Variants in BIN1 observed in about 807,000 individuals in gnomAD.
BIN1 encodes the protein bridging integrator 1, also known as myc box-dependent-interacting protein 1.
In BIN1, 53 loss-of-function variants were observed where a neutral mutation model predicts 82.0. The ratio of observed to expected loss-of-function variants is 0.65; its 90% CI spans 0.52 to 0.81. The LOEUF (loss-of-function observed/expected upper bound fraction) is 0.81, where lower values mean the gene tolerates loss of function less well. Among genes scored for constraint, BIN1 ranks in the 40% least tolerant of loss-of-function variants. The probability of loss-of-function intolerance (pLI) is 0.00; values close to 1 mark genes in which losing one functional copy is unlikely to be tolerated. For missense variants in BIN1, 642 were observed against 784.4 expected, an observed-to-expected ratio of 0.82 and a Z score of 2.17; for synonymous variants, 302 against 328.0, an observed-to-expected ratio of 0.92 and a Z score of 0.86.
In BIN1 at chr2:127,053,412, T is replaced by C; in HGVS notation, c.1263+10A>G. ...CCAGGGGCTGGACAAAGAGCAGACGTGCAGCTTACCTCCCAGAGGTCCCAT... is the reference window on the plus strand; with the variant it reads ...CCAGGGGCTGGACAAAGAGCAGACGCGCAGCTTACCTCCCAGAGGTCCCAT... On this transcript the variant is annotated intron_variant, in intron 14 of 18. Transcript: ENST00000316724. 1.2e-6 allele frequency: 2 copies of C among 1,613,916 alleles called. No individual in the cohort carries two copies. Among genetic ancestry groups the C allele is most frequent in the Non-Finnish European group, 1.7e-6 (2 of 1,179,918 alleles).
intron 1 of BIN1, among the ~76,000 whole-genome samples, chr2:127,078,991 C>T (rs1686970829): frequency 6.6e-6 from 1 of 152,198 alleles, no homozygotes; most frequent in Admixed American, 6.5e-5. Context: ...GGCAAGAGCA[C>T]CAGGAAGGAT....
At chr2:127,055,382 G>A (rs1376758593) in intron 12 of BIN1, 2 of 152,340 alleles carry the variant, frequency 1.3e-5, no homozygotes, top group Non-Finnish European at 2.9e-5. Context: ...CTCAGGCCAA[G>A]TGGACTCACT....
chr2:127,057,621 G>A lies in BIN1; in HGVS notation c.1003-20C>T, dbSNP rs1220444956. Reference sequence around the variant, plus strand: ...CCGGAGCTGTGGGTCGGCGGCGGGTGAGGGGCCGCGCGGGAAGGCACAGCA... The same window carrying A: ...CCGGAGCTGTGGGTCGGCGGCGGGTAAGGGGCCGCGCGGGAAGGCACAGCA... On this transcript the variant is annotated intron_variant, in intron 11 of 18. Transcript: ENST00000316724. This position sits in a 1 kb window ranked among gnomAD's most constrained non-coding sequence, Gnocchi z 5.0. 2 of 1,507,244 alleles carry A rather than the reference G, an allele frequency of 1.3e-6. No homozygotes were observed. The highest frequency in any genetic ancestry group is 4.3e-5 in the Admixed American group (2 of 47,048). 93.4% of individuals were successfully genotyped at this position (1,507,244 alleles called of 1,614,324 possible).
intron 1 of BIN1, among the ~76,000 whole-genome samples, chr2:127,080,193 T>A (rs999976557): frequency 6.6e-6 from 1 of 152,158 alleles, no homozygotes; most frequent in African/African-American, 2.4e-5. Context: ...AAAAACAATC[T>A]GGGCACCCCC....
At position 127,093,799 on chromosome 2, in the gene BIN1, G is replaced by A. The variant is rs1047534322; in HGVS notation, c.84+13061C>T. Among the ~76,000 whole-genome samples the A allele has an allele frequency of 7.9e-5, 12 of 152,148 alleles. No individual in the cohort carries two copies. Among genetic ancestry groups the A allele is most frequent in the East Asian group, 7.7e-4 (4 of 5,190 alleles). The stretch of plus-strand genomic sequence containing the variant: ...GGTGAGAACGATACCACACGTTTCC[G>A]CCCCTGCCGCTCTCTCTGGACAATC... On this transcript the variant is annotated intron_variant, in intron 1 of 18. Transcript: ENST00000316724. This position sits in a 1 kb window ranked among gnomAD's most constrained non-coding sequence, Gnocchi z 5.7.
chr2:127,091,433 G>A (rs1678909601), intron 1 of BIN1, among the ~76,000 whole-genome samples: 1 of 152,252 alleles, frequency 6.6e-6, no homozygotes, highest in South Asian at 2.1e-4. Flanking sequence ...AGCCAAGGCT[G>A]GCAGGTTCTG....
intron 12 of BIN1, 152 bp from the exon 13 acceptor site, chr2:127,054,164 C>G (rs1417819683): frequency 1.5e-6 from 1 of 687,416 alleles, no homozygotes; most frequent in Non-Finnish European, 2.6e-6. Context: ...CACGCACACA[C>G]GCTGGCACAC....
Position 127,048,133 on chromosome 2 carries a change from CTGG to C in BIN1, c.*390_*392del. On this transcript the variant is annotated 3_prime_UTR_variant, in exon 19 of 19. Coordinates refer to ENST00000316724, the MANE Select transcript of BIN1 (RefSeq NM_139343.3). ...GTCTGCGGGGCAGAGCCAGGCTAGGCTGGTGTCTGGGCCCCACCCACAGCAGCT... is the reference window on the plus strand; with the variant it reads ...GTCTGCGGGGCAGAGCCAGGCTAGGCTGTCTGGGCCCCACCCACAGCAGCT... 2 of 314,274 alleles carry C rather than the reference CTGG, an allele frequency of 6.4e-6. No homozygotes were observed. Among genetic ancestry groups the C allele is most frequent in the Non-Finnish European group, 1.2e-5 (2 of 163,654 alleles). The allele number at this position is 314,274 out of a possible 1,614,324, so 19.5% of individuals were successfully genotyped here. A position where few individuals can be genotyped will look rare whatever the true frequency, so the allele number is the denominator to read the frequency against.
chr2:127,051,070 C>A, intron 16 of BIN1, 84 bp downstream of exon 16: 1 of 1,572,856 alleles, frequency 6.4e-7, no homozygotes, highest in South Asian at 1.1e-5. Context: ...CCTGGACCAG[C>A]ACCAGCAGGG....
Position 127,070,098 on chromosome 2 carries a change from A to G in BIN1, c.316-8T>C. 1 of 1,613,388 alleles carries G rather than the reference A, an allele frequency of 6.2e-7. No individual in the cohort carries two copies. The highest frequency in any genetic ancestry group is 8.5e-7 in the Non-Finnish European group (1 of 1,179,640). ...CCACAGCAGGTCGTTGTTCTGAGAC[A>G]GGCAAGAGCACGACAGTGCCACCAG... On this transcript the variant is annotated splice_polypyrimidine_tract_variant and splice_region_variant and intron_variant, in intron 4 of 18. Transcript: ENST00000316724.
At chr2:127,085,753 G>C (rs1573739960) in intron 1 of BIN1, among the ~76,000 whole-genome samples, 2 of 152,202 alleles carry the variant, frequency 1.3e-5, no homozygotes, top group Admixed American at 6.5e-5. Flanking sequence ...TGCTCCGAAA[G>C]GGGGAGCTGA....
At chr2:127,081,957 G>A (rs1216778187) in intron 1 of BIN1, 10 of 1,177,580 alleles carry the variant, frequency 8.5e-6, no homozygotes, top group Middle Eastern at 2.3e-4. Context: ...GCACACCCTC[G>A]TGCCCCGGCG....
Position 127,057,491 on chromosome 2 carries a change from G to T in BIN1, c.1113C>A (p.Ser371Arg). Reference sequence around the variant, plus strand: ...GGCTGACCTGGGAGGGGGTGGTCACGCTGATCTCAGGGACAAACGTGTCCT... The same window carrying T: ...GGCTGACCTGGGAGGGGGTGGTCACTCTGATCTCAGGGACAAACGTGTCCT... ...LFEDTFVPEI[S>R]VTTPSQFEAP... Residue 371 changes from serine (S) to arginine (R), a missense_variant, in exon 12 of 19, where the codon AGC becomes AGA. Physicochemically the swap from Ser to Arg is moderately radical, Grantham distance 110 (BLOSUM62 -1). Coordinates refer to ENST00000316724, the MANE Select transcript of BIN1 (RefSeq NM_139343.3). This position sits in a 1 kb window ranked among gnomAD's most constrained non-coding sequence, Gnocchi z 5.0. 6.5e-7 allele frequency: 1 copy of T among 1,546,884 alleles called. No homozygotes were observed. Among genetic ancestry groups the T allele is most frequent in the South Asian group, 1.2e-5 (1 of 83,326 alleles).
At chr2:127,102,045 T>G (rs1289114829) in intron 1 of BIN1, among the ~76,000 whole-genome samples, 2 of 152,222 alleles carry the variant, frequency 1.3e-5, no homozygotes. Context: ...CCTGGGGCTT[T>G]ACTTCCCACA....
rs1158338100 is a variant in BIN1 at position 127,052,292 on chromosome 2, G to C, written c.1334C>G (p.Ser445Cys). ...CGGCTCGGCCGTCTGGCTGGGCCAG[G>C]ACACAGCAAAGGTGCCCTCGGCAGC... The part of the protein sequence containing the change: ...PSAAEGTFAV[S>C]WPSQTAEPGP... Residue 445 changes from serine (S) to cysteine (C), a missense_variant, in exon 15 of 19, where the codon TCC becomes TGC. Ser to Cys is a moderately radical substitution (Grantham distance 112). Transcript: ENST00000316724. The C allele has an allele frequency of 1.3e-6, 2 of 1,585,304 alleles. No homozygotes were observed. The highest frequency in any genetic ancestry group is 1.7e-6 in the Non-Finnish European group (2 of 1,166,052).
chr2:127,087,959 C>T (rs537428789), intron 1 of BIN1, among the ~76,000 whole-genome samples: 1 of 152,350 alleles, frequency 6.6e-6, no homozygotes, highest in South Asian at 2.1e-4. Context: ...GCTACGCCCA[C>T]CCAGACCATC....
rs1235619869 is a variant in BIN1 at position 127,106,924 on chromosome 2, T to C, written c.20A>G (p.Lys7Arg). 1 of 1,612,364 alleles carries C rather than the reference T, an allele frequency of 6.2e-7. No homozygotes were observed. Among genetic ancestry groups the C allele is most frequent in the South Asian group, 1.1e-5 (1 of 90,942 alleles). Reference protein sequence around the residue: MAEMGSKGVTAGKIASN... With the variant: MAEMGSRGVTAGKIASN... ...GGCGATCTTTCCCGCCGTCACCCCT[T>C]TACTGCCCATCTCTGCCATCGCGGC... Residue 7 changes from lysine to arginine, a missense_variant, in exon 1 of 19, where the codon AAA (lysine) becomes AGA (arginine). Lys to Arg is a conservative substitution (Grantham distance 26). Coordinates refer to ENST00000316724, the MANE Select transcript of BIN1 (RefSeq NM_139343.3).
intron 5 of BIN1, among the ~76,000 whole-genome samples, chr2:127,069,715 C>A (rs1415855873): frequency 6.7e-6 from 1 of 149,608 alleles, no homozygotes; most frequent in Non-Finnish European, 1.5e-5. Context: ...AATCATATAG[C>A]CAGCCACTCC....
At chr2:127,069,223 G>A (rs1685544883) in intron 5 of BIN1, among the ~76,000 whole-genome samples, 192 bp from the exon 6 acceptor site, 1 of 152,184 alleles carries the variant, frequency 6.6e-6, no homozygotes, top group African/African-American at 2.4e-5. Context: ...CCCACTGTGT[G>A]AAACCACTTC....
Sources: gnomAD v4.1 joint callset for allele counts (sites outside exome capture counted in the v4.1 genomes callset) on GRCh38, gnomAD v4.1.1 for gene constraint, Gnocchi (gnomAD v3.1) non-coding constraint, MANE v1.5 for transcripts, NCBI Gene and HGNC (gene_info 2026-07-23, HGNC 2026-07-21) for gene names.